The following GPATCH2 variants were observed in gnomAD, a reference collection of about 807,000 sequenced individuals.
The protein encoded by GPATCH2 is G patch domain-containing protein 2.
In GPATCH2, 51 loss-of-function variants were observed where a neutral mutation model predicts 58.0. That is an observed-to-expected ratio of 0.88 (90% CI 0.70 to 1.11). The LOEUF (loss-of-function observed/expected upper bound fraction) is 1.11, where lower values mean the gene tolerates loss of function less well. Among genes scored for constraint, GPATCH2 ranks in the 50% most tolerant of loss-of-function variants. The probability of loss-of-function intolerance (pLI) is 0.00; values close to 1 mark genes in which losing one functional copy is unlikely to be tolerated. For synonymous variants in GPATCH2, 222 were observed against 218.5 expected, an observed-to-expected ratio of 1.02 and a Z score of -0.14; for missense variants, 625 against 652.2, an observed-to-expected ratio of 0.96 and a Z score of 0.45.
At chr1:217,609,552 A>AG (rs35031000) in intron 5 of GPATCH2, 215,849 of 983,726 alleles carry the variant, frequency 0.22, 24,506 homozygotes, top group Non-Finnish European at 0.23. Flanking sequence ...TTTGCAATAC[A>AG]AGCAGATTAC....
At chr1:217,559,952 G>C (rs12036190) in intron 5 of GPATCH2, among the ~76,000 whole-genome samples, 5,344 of 152,142 alleles carry the variant, frequency 0.035, 123 homozygotes, top group East Asian at 0.13. Flanking sequence ...TGGTTCAAGC[G>C]ATTCTCCTGC....
chr1:217,484,865 C>G (rs559528067), intron 8 of GPATCH2, among the ~76,000 whole-genome samples: 1 of 151,334 alleles, frequency 6.6e-6, no homozygotes, highest in Non-Finnish European at 1.5e-5. Context: ...TCTGAAGAAC[C>G]CTGCCTATAA....
At chr1:217,460,074 A>C (rs190059539) in intron 8 of GPATCH2, among the ~76,000 whole-genome samples, 22 of 152,334 alleles carry the variant, frequency 1.4e-4, no homozygotes, top group African/African-American at 5.1e-4. Flanking sequence ...TATCTGAACT[A>C]CTACAAACAT....
chr1:217,458,292 G>A (rs771486200), intron 8 of GPATCH2, among the ~76,000 whole-genome samples: 1 of 152,116 alleles, frequency 6.6e-6, no homozygotes, highest in African/African-American at 2.4e-5. Flanking sequence ...AGCCTAGAGG[G>A]ACTGCTAGTC....
intron 7 of GPATCH2, 104 bp downstream of exon 7, chr1:217,498,252 G>C (rs1662106989): frequency 1.1e-6 from 1 of 876,908 alleles, no homozygotes; most frequent in South Asian, 1.3e-5. Context: ...AATGAGCGGG[G>C]ATTTGTATTT....
Position 217,441,426 on chromosome 1 carries a change from G to C in GPATCH2, c.1366+7823C>G, listed in dbSNP as rs567902248. ...AAGAAAACCTAGGCAATACCATTCAGGACAAAGGCATGGGCAAAGACTTCA... is the reference window on the plus strand; with the variant it reads ...AAGAAAACCTAGGCAATACCATTCACGACAAAGGCATGGGCAAAGACTTCA... On this transcript the variant is annotated intron_variant, in intron 9 of 9. Coordinates refer to ENST00000366935, the MANE Select transcript of GPATCH2 (RefSeq NM_018040.5). 1.2e-4 allele frequency among the ~76,000 whole-genome samples: 18 copies of C among 152,206 alleles called. No homozygotes were observed. In the South Asian group the frequency reaches 3.5e-3, roughly 30 times the overall value.
chr1:217,623,275 T>C (rs1669290208), intron 1 of GPATCH2, among the ~76,000 whole-genome samples: 1 of 152,134 alleles, frequency 6.6e-6, no homozygotes, highest in Non-Finnish European at 1.5e-5. Flanking sequence ...GAATATAATA[T>C]CAAATTAAAG....
intron 5 of GPATCH2, among the ~76,000 whole-genome samples, chr1:217,579,566 T>G (rs1299910929): frequency 6.6e-6 from 1 of 152,144 alleles, no homozygotes; most frequent in Non-Finnish European, 1.5e-5. Flanking sequence ...ATAAAAATCT[T>G]TAAGAGTTCA....
At chr1:217,496,777 C>G (rs1157155189) in intron 7 of GPATCH2, among the ~76,000 whole-genome samples, 4 of 152,080 alleles carry the variant, frequency 2.6e-5, no homozygotes, top group Non-Finnish European at 4.4e-5. Flanking sequence ...CCCTGTATTT[C>G]CCCTACAAGC....
chr1:217,589,679 G>A (rs1667500955), intron 5 of GPATCH2, among the ~76,000 whole-genome samples: 1 of 152,086 alleles, frequency 6.6e-6, no homozygotes, highest in African/African-American at 2.4e-5. Context: ...AAAATGAAGA[G>A]CACACATTTT....
intron 8 of GPATCH2, among the ~76,000 whole-genome samples, chr1:217,451,966 A>C (rs1297962038): frequency 6.6e-6 from 1 of 152,228 alleles, no homozygotes; most frequent in African/African-American, 2.4e-5. Flanking sequence ...TCAGGGAGTT[A>C]TGAGTAGTTC....
chr1:217,497,898 C>A (rs899538730), intron 7 of GPATCH2, among the ~76,000 whole-genome samples: 5 of 151,968 alleles, frequency 3.3e-5, no homozygotes, highest in Admixed American at 6.6e-5. Context: ...GCCATGTATA[C>A]CAGTAAGAAA....
intron 1 of GPATCH2, among the ~76,000 whole-genome samples, chr1:217,629,209 TTTTTACATTCCA>T (rs754787704): frequency 0.19 from 28,168 of 152,076 alleles, 2,925 homozygotes; most frequent in Middle Eastern, 0.24. Context: ...AAATCTGGAA[TTTTTACATTCCA>T]GATAGTCATA....
intron 5 of GPATCH2, among the ~76,000 whole-genome samples, chr1:217,580,296 A>G (rs1198098280): frequency 6.6e-6 from 1 of 152,212 alleles, no homozygotes; most frequent in Non-Finnish European, 1.5e-5. Context: ...GGTGACACAA[A>G]GGATGAAACA....
Position 217,614,162 on chromosome 1 carries a change from TA to T in GPATCH2, c.813del (p.Phe271LeufsTer43). ...GTACCTTGTCTTCCCTCATCATTGG[TA>T]AACAATCCAGCATCAGTGCTGCTGA... ...SSLSSTDAGL[F>X]TNDEGRQGDD... On this transcript the variant is annotated frameshift_variant, in exon 3 of 10. Transcript: ENST00000366935. LOFTEE classifies it high-confidence loss of function. 6.3e-7 allele frequency: 1 copy of T among 1,580,972 alleles called. No individual in the cohort carries two copies. Among genetic ancestry groups the T allele is most frequent in the Non-Finnish European group, 8.7e-7 (1 of 1,150,006 alleles).
intron 5 of GPATCH2, among the ~76,000 whole-genome samples, chr1:217,523,267 CAGATAAACAAGT>C (rs1663568364): frequency 1.3e-5 from 2 of 151,524 alleles, no homozygotes; most frequent in Non-Finnish European, 2.9e-5. Context: ...GGAAGGTCAG[CAGATAAACAAGT>C]GAACAAAGGT....
intron 5 of GPATCH2, among the ~76,000 whole-genome samples, chr1:217,526,294 C>A (rs944128554): frequency 1.1e-4 from 17 of 152,106 alleles, no homozygotes; most frequent in African/African-American, 3.9e-4. Context: ...ACAGGCTGTT[C>A]TCCTAAAACA....
intron 8 of GPATCH2, among the ~76,000 whole-genome samples, chr1:217,452,732 T>A (rs1659726448): frequency 6.6e-6 from 1 of 152,086 alleles, no homozygotes; most frequent in Non-Finnish European, 1.5e-5. Context: ...AAATGAAATA[T>A]AACATTTTCA....
intron 1 of GPATCH2, among the ~76,000 whole-genome samples, chr1:217,621,542 A>G (rs1204062510): frequency 6.6e-6 from 1 of 152,220 alleles, no homozygotes; most frequent in Non-Finnish European, 1.5e-5. Flanking sequence ...GGGTCTCCCA[A>G]AACTACTCAA....
Sources: allele counts gnomAD v4.1 joint callset (sites outside exome capture counted in the v4.1 genomes callset), GRCh38; gene constraint gnomAD v4.1.1; transcripts MANE v1.5; gene names NCBI Gene and HGNC (gene_info 2026-07-23, HGNC 2026-07-21).